The following SYT12 variants were observed in gnomAD, a reference collection of about 807,000 sequenced individuals.
SYT12 encodes synaptotagmin 12.
SYT12 carries 27 observed loss-of-function variants against 39.5 expected under a neutral mutation model. The ratio of observed to expected loss-of-function variants is 0.68; its 90% CI spans 0.50 to 0.94. The LOEUF is 0.94. Among genes scored for constraint, SYT12 ranks in the 40% least tolerant of loss-of-function variants. The probability of loss-of-function intolerance (pLI) is 0.00; values close to 1 mark genes in which losing one functional copy is unlikely to be tolerated. For synonymous variants in SYT12, 233 were observed against 239.7 expected (o/e 0.97, Z 0.26); for missense variants, 536 against 572.6 (o/e 0.94, Z 0.65).
chr11:67,023,776 C>T (rs1555061957), intron 1 of SYT12, among the ~76,000 whole-genome samples: 3 of 152,250 alleles, frequency 2.0e-5, no homozygotes, highest in Non-Finnish European at 4.4e-5. Context: ...TCGCATTCAG[C>T]GCCCTGACTG....
rs779996313 is a variant in SYT12 at position 67,039,984 on chromosome 11, C to G, written c.402C>G (p.Ala134=). The G allele has an allele frequency of 6.2e-6, 10 of 1,613,754 alleles. No homozygotes were observed. The East Asian group carries it at 2.2e-4, about 36-fold the overall frequency. Residue 134 remains alanine, a synonymous_variant, in exon 4 of 8, where the codon GCC becomes GCG. Coordinates refer to ENST00000527043, the MANE Select transcript of SYT12 (RefSeq NM_177963.4). The part of the protein sequence containing the change: ...PYGTLRKSQS[A]DSLNSISSVS... ...GGACCCTCCGGAAGTCCCAGTCGGC[C>G]GACTCCCTGAACTCCATCTCCTCCG...
At chr11:67,033,743 C>T (rs931941354) in intron 2 of SYT12, among the ~76,000 whole-genome samples, 2 of 152,208 alleles carry the variant, frequency 1.3e-5, no homozygotes, top group African/African-American at 4.8e-5. Flanking sequence ...CTGTGACCTG[C>T]ACAATGAATC....
At chr11:67,044,818 G>A in intron 6 of SYT12, 105 bp downstream of exon 6, 1 of 1,512,390 alleles carries the variant, frequency 6.6e-7, no homozygotes, top group Non-Finnish European at 9.0e-7. Context: ...GTGGGACACA[G>A]TGCCAAGGTC....
At chr11:67,032,917 AAAAAAG>A (rs1223264620) in intron 2 of SYT12, 5 of 155,466 alleles carry the variant, frequency 3.2e-5, no homozygotes, top group Admixed American at 2.6e-4. Context: ...AAAAAAAAAA[AAAAAAG>A]AAAAAGAAAG....
rs1950356710 is a variant in SYT12 at position 67,035,795 on chromosome 11, TTCCTTCCTTCCTTC to T, written c.228+958_228+971del. Among the ~76,000 whole-genome samples, 13 of 42,754 alleles carry T rather than the reference TTCCTTCCTTCCTTC, an allele frequency of 3.0e-4. 1 individual carries two copies. Among genetic ancestry groups the T allele is most frequent in the African/African-American group, 1.2e-3 (12 of 9,884 alleles). 28.0% of individuals were successfully genotyped at this position (42,754 alleles called of 152,430 possible). On this transcript the variant is annotated intron_variant, in intron 3 of 7. Coordinates refer to ENST00000527043, the MANE Select transcript of SYT12 (RefSeq NM_177963.4). ...TTTTCTTTTCTTTTCTTTTCTTTCC[TTCCTTCCTTCCTTC>T]CTTCCTTCCTTCCTTCCTTCCTTCC...
chr11:67,012,329 C>G (rs1275759638), intron 3 of SYT12, among the ~76,000 whole-genome samples: 1 of 151,964 alleles, frequency 6.6e-6, no homozygotes, highest in African/African-American at 2.4e-5. Flanking sequence ...TGAGATTGCA[C>G]CACTGCACTC....
chr11:67,013,466 C>T (rs1284842132), intron 3 of SYT12, among the ~76,000 whole-genome samples: 1 of 152,178 alleles, frequency 6.6e-6, no homozygotes, highest in Non-Finnish European at 1.5e-5. Flanking sequence ...GGGCCTTTCT[C>T]GTCTTCAGCC....
chr11:67,026,893 A>G (rs2136205918), intron 1 of SYT12: 1 of 152,366 alleles, frequency 6.6e-6, no homozygotes, highest in South Asian at 2.1e-4. Context: ...GGGGGTCTGT[A>G]TGGGCCATCA....
upstream of SYT12, chr11:67,021,929 C>CT (rs1950113705): frequency 6.7e-6 from 1 of 150,310 alleles, no homozygotes. Context: ...ATGCAGCTCT[C>CT]TTTCTTTTTT....
At chr11:67,034,604 C>A in intron 2 of SYT12, 41 bp from the exon 3 acceptor site, 1 of 1,545,706 alleles carries the variant, frequency 6.5e-7, no homozygotes, top group South Asian at 1.3e-5. Context: ...GGGTCTGTAT[C>A]CACTAGGAAG....
chr11:67,035,668 A>G (rs943712627), intron 3 of SYT12, among the ~76,000 whole-genome samples: 8 of 151,542 alleles, frequency 5.3e-5, no homozygotes, highest in Non-Finnish European at 7.4e-5. Flanking sequence ...CATGTTAGCC[A>G]GGATGGTCTC....
chr11:67,007,865 T>C (rs1022894725), intron 1 of SYT12, among the ~76,000 whole-genome samples: 1 of 151,788 alleles, frequency 6.6e-6, no homozygotes, highest in African/African-American at 2.4e-5. Flanking sequence ...CACCCGGGCC[T>C]ATTTTTTAAA....
At chr11:67,035,635 T>A (rs1488534296) in intron 3 of SYT12, among the ~76,000 whole-genome samples, 1 of 150,400 alleles carries the variant, frequency 6.6e-6, no homozygotes, top group Non-Finnish European at 1.5e-5. Flanking sequence ...TTTTTTGTAT[T>A]TTTAGTAGAG....
chr11:67,019,581 G>A (rs1020146402), upstream of SYT12, among the ~76,000 whole-genome samples: 8 of 151,874 alleles, frequency 5.3e-5, no homozygotes, highest in Non-Finnish European at 1.0e-4. Context: ...CCTACAACAC[G>A]TGGGAATTAT....
chr11:67,025,858 C>T (rs7943216), intron 1 of SYT12, among the ~76,000 whole-genome samples: 14,118 of 151,924 alleles, frequency 0.093, 836 homozygotes, highest in African/African-American at 0.16. Context: ...ATGGGGAAGA[C>T]GGCATGAGGG....
At chr11:67,017,045 A>T (rs926770911) in intron 3 of SYT12, among the ~76,000 whole-genome samples, 8 of 152,204 alleles carry the variant, frequency 5.3e-5, no homozygotes, top group Non-Finnish European at 1.0e-4. Flanking sequence ...TTTGCTGATG[A>T]CTTGCTCTAT....
At chr11:67,030,222 C>G in intron 2 of SYT12, 44 bp downstream of exon 2, 9 of 1,609,214 alleles carry the variant, frequency 5.6e-6, no homozygotes, top group Non-Finnish European at 7.7e-6. Context: ...GCCTGCGAGA[C>G]CCTTACACCA....
upstream of SYT12, among the ~76,000 whole-genome samples, chr11:67,020,750 T>A (rs1950100941): frequency 6.6e-6 from 1 of 152,182 alleles, no homozygotes; most frequent in African/African-American, 2.4e-5. Context: ...CCATTTTTTT[T>A]TAGACGGAGT....
chr11:67,013,313 C>T (rs908840534), intron 3 of SYT12, among the ~76,000 whole-genome samples: 3 of 152,196 alleles, frequency 2.0e-5, no homozygotes, highest in Non-Finnish European at 4.4e-5. Context: ...GCCATGCAAG[C>T]TCTTGTGTCT....
Sources: gnomAD v4.1 joint callset for allele counts (sites outside exome capture counted in the v4.1 genomes callset) on GRCh38, gnomAD v4.1.1 for gene constraint, MANE v1.5 for transcripts, NCBI Gene and HGNC (gene_info 2026-07-23, HGNC 2026-07-21) for gene names.